The following ADAM29 variants were observed in gnomAD, a reference collection of about 807,000 sequenced individuals.
ADAM29 encodes ADAM metallopeptidase domain 29, also known as disintegrin and metalloproteinase domain-containing protein 29.
For synonymous variants in ADAM29, 367 were observed against 342.3 expected, an observed-to-expected ratio of 1.07 and a Z score of -0.80; for missense variants, 969 against 1,001.8, an observed-to-expected ratio of 0.97 and a Z score of 0.44.
At chr4:174,926,155 C>T (rs1008486614) in intron 2 of ADAM29, among the ~76,000 whole-genome samples, 32 of 152,050 alleles carry the variant, frequency 2.1e-4, no homozygotes, top group African/African-American at 7.5e-4. Flanking sequence ...GTAGTCACTG[C>T]CCTAAATATT....
At chr4:174,928,569 T>TTAAAA (rs761103217) in intron 2 of ADAM29, among the ~76,000 whole-genome samples, 7,460 of 131,804 alleles carry the variant, frequency 0.057, 494 homozygotes, top group African/African-American at 0.15. Flanking sequence ...GTCATGTGCT[T>TTAAAA]AAAAAAAAAA....
intron 4 of ADAM29, among the ~76,000 whole-genome samples, chr4:174,949,246 T>A (rs1745029348): frequency 6.6e-6 from 1 of 152,086 alleles, no homozygotes; most frequent in East Asian, 1.9e-4. Flanking sequence ...GGTCCTACAG[T>A]CACCCTGAGG....
intron 4 of ADAM29, among the ~76,000 whole-genome samples, chr4:174,944,222 T>G (rs1208274628): frequency 6.6e-6 from 1 of 152,012 alleles, no homozygotes; most frequent in Non-Finnish European, 1.5e-5. Context: ...ATGTGTATAA[T>G]GGCCTACATT....
chr4:174,978,121 T>A lies in ADAM29; in HGVS notation c.*133T>A. ...GAGTAAAAGTGGTAAACAAAAGCAA[T>A]CAGTACCAATTCCAAAAACTGTATC... On this transcript the variant is annotated 3_prime_UTR_variant, in exon 5 of 5. Transcript: ENST00000359240. The A allele has an allele frequency of 7.1e-7, 1 of 1,412,838 alleles. No homozygotes were observed. 87.5% of individuals were successfully genotyped at this position (1,412,838 alleles called of 1,614,324 possible).
intron 4 of ADAM29, among the ~76,000 whole-genome samples, chr4:174,969,691 C>T (rs1268749453): frequency 2.0e-5 from 3 of 151,944 alleles, no homozygotes; most frequent in Admixed American, 6.6e-5. Flanking sequence ...CATGCTTTTA[C>T]ATTTCAAAAT....
chr4:174,956,044 A>G (rs4479682), intron 4 of ADAM29, among the ~76,000 whole-genome samples: 63,598 of 151,852 alleles, frequency 0.42, 13,870 homozygotes, highest in African/African-American at 0.54. Flanking sequence ...AGGTCTTAAG[A>G]CACATAATAA....
At chr4:174,932,977 A>G (rs2110938818) in intron 3 of ADAM29, among the ~76,000 whole-genome samples, 1 of 152,216 alleles carries the variant, frequency 6.6e-6, no homozygotes, top group Admixed American at 6.5e-5. Context: ...GTCCTCACAG[A>G]TAGGTCCCAT....
At chr4:174,942,439 A>C (rs140058957) in intron 4 of ADAM29, among the ~76,000 whole-genome samples, 87 of 152,262 alleles carry the variant, frequency 5.7e-4, no homozygotes, top group African/African-American at 2.0e-3. Context: ...GAGGCTCCCA[A>C]AGTTCAACTC....
intron 4 of ADAM29, among the ~76,000 whole-genome samples, chr4:174,969,637 C>G (rs1746361617): frequency 6.6e-6 from 1 of 151,732 alleles, no homozygotes; most frequent in South Asian, 2.1e-4. Flanking sequence ...GAATGCTATA[C>G]CAACATAATT....
intron 4 of ADAM29, among the ~76,000 whole-genome samples, chr4:174,953,593 A>C (rs1745315472): frequency 6.6e-6 from 1 of 152,174 alleles, no homozygotes; most frequent in Non-Finnish European, 1.5e-5. Flanking sequence ...CCTATCCCCT[A>C]CTACATTATT....
At chr4:174,923,525 GTATATATATATA>G (rs58980378) in intron 2 of ADAM29, among the ~76,000 whole-genome samples, 74 of 96,684 alleles carry the variant, frequency 7.7e-4, no homozygotes, top group East Asian at 1.7e-3. Context: ...TGCATTATAT[GTATATATATATA>G]TATATATATA....
intron 4 of ADAM29, among the ~76,000 whole-genome samples, chr4:174,957,846 G>T (rs922589347): frequency 6.6e-6 from 1 of 151,694 alleles, no homozygotes. Flanking sequence ...TAAAATGTGC[G>T]ATATTTGTTT....
At chr4:174,968,838 A>G (rs970712414) in intron 4 of ADAM29, among the ~76,000 whole-genome samples, 2 of 151,826 alleles carry the variant, frequency 1.3e-5, no homozygotes, top group African/African-American at 4.8e-5. Flanking sequence ...TGTTTGTCTT[A>G]TATCTGTAAG....
chr4:174,958,241 T>TG (rs200230524), intron 4 of ADAM29, among the ~76,000 whole-genome samples: 19 of 120,236 alleles, frequency 1.6e-4, no homozygotes, highest in African/African-American at 5.3e-4. Flanking sequence ...CAATTACTGA[T>TG]GGGGGGGTGG....
chr4:174,964,125 AC>A (rs1277113306), intron 4 of ADAM29, among the ~76,000 whole-genome samples: 3 of 152,022 alleles, frequency 2.0e-5, no homozygotes, highest in Non-Finnish European at 2.9e-5. Flanking sequence ...TGAAGGCCCA[AC>A]CCCCAGTACT....
chr4:174,949,276 C>T (rs915166879), intron 4 of ADAM29, among the ~76,000 whole-genome samples: 2 of 152,140 alleles, frequency 1.3e-5, no homozygotes, highest in African/African-American at 2.4e-5. Flanking sequence ...CCTAGAGTTC[C>T]TAGAGGAGCA....
intron 2 of ADAM29, among the ~76,000 whole-genome samples, chr4:174,925,349 ACT>A (rs74271295): frequency 0.25 from 37,200 of 150,372 alleles, 5,615 homozygotes; most frequent in Non-Finnish European, 0.34. Context: ...GATACATGAA[ACT>A]CTGTGCTATC....
intron 4 of ADAM29, among the ~76,000 whole-genome samples, chr4:174,944,797 CTG>C (rs1744748165): frequency 6.6e-6 from 1 of 152,140 alleles, no homozygotes; most frequent in Non-Finnish European, 1.5e-5. Context: ...TTTTCTGTTT[CTG>C]TGTTAGTTTG....
At position 174,925,367 on chromosome 4, in the gene ADAM29, A is replaced by AT. The variant is rs34742792; in HGVS notation, c.-451+4585dup. Among the ~76,000 whole-genome samples, 796 of 151,062 alleles carry AT rather than the reference A, an allele frequency of 5.3e-3. 10 individuals are homozygous for AT. Among genetic ancestry groups the AT allele is most frequent in the South Asian group, 8.0e-3 (38 of 4,774 alleles). On this transcript the variant is annotated intron_variant, in intron 2 of 4. Transcript: ENST00000359240. ...ACATGAAACTCTGTGCTATCTTTGC[A>AT]TTTTTTTTTTCTGTAAATTAAAACG...
Sources: allele counts gnomAD v4.1 joint callset (sites outside exome capture counted in the v4.1 genomes callset), GRCh38; gene constraint gnomAD v4.1.1; transcripts MANE v1.5; gene names NCBI Gene and HGNC (gene_info 2026-07-23, HGNC 2026-07-21).